AP2A2: variants seen among roughly 807,000 people sequenced by gnomAD.
The protein encoded by AP2A2 is AP-2 complex subunit alpha-2.
A neutral mutation model predicts 104.2 loss-of-function variants in AP2A2; 32 were observed. That is an observed-to-expected ratio of 0.31 (90% CI 0.23 to 0.41). The LOEUF is 0.41. AP2A2 is among the 10% of genes least tolerant of loss of function. The pLI, the probability that AP2A2 is intolerant of heterozygous loss-of-function variation, is 1.00. For synonymous variants in AP2A2, 539 were observed against 533.3 expected (o/e 1.01, Z -0.15); for missense variants, 912 against 1,261.0 (o/e 0.72, Z 4.19).
chr11:926,452 C>T (rs958485090), intron 1 of AP2A2, among the ~76,000 whole-genome samples: 1 of 151,956 alleles, frequency 6.6e-6, no homozygotes, highest in African/African-American at 2.4e-5. Context: ...TCATCCACAT[C>T]TCCACTCCCG....
intron 1 of AP2A2, among the ~76,000 whole-genome samples, chr11:950,816 G>A (rs910256933): frequency 2.6e-5 from 4 of 152,106 alleles, no homozygotes; most frequent in African/African-American, 9.7e-5. Context: ...TAGGGGCTGC[G>A]GGTGTGGTGG....
chr11:992,327 A>T lies in AP2A2; in HGVS notation c.1270-176A>T. 1.5e-6 allele frequency: 1 copy of T among 684,880 alleles called. No individual in the cohort carries two copies. Among genetic ancestry groups the T allele is most frequent in the Non-Finnish European group, 2.5e-6 (1 of 399,448 alleles). 42.4% of individuals were successfully genotyped at this position (684,880 alleles called of 1,614,324 possible). A position where few individuals can be genotyped will look rare whatever the true frequency, so the allele number is the denominator to read the frequency against. ...TCTTTGCTTAAGTCAGGGCATCTTAAACTTTCTGGGCTCGTGGGCTTTTTT... is the reference window on the plus strand; with the variant it reads ...TCTTTGCTTAAGTCAGGGCATCTTATACTTTCTGGGCTCGTGGGCTTTTTT... On this transcript the variant is annotated intron_variant, in intron 10 of 21. Transcript: ENST00000448903. The surrounding 1 kb of genome is among the most constrained non-coding windows in gnomAD (Gnocchi z 6.4).
intron 16 of AP2A2, 54 bp downstream of exon 16, chr11:1,003,858 G>T: frequency 3.2e-6 from 4 of 1,257,186 alleles, no homozygotes; most frequent in Non-Finnish European, 3.4e-6. Flanking sequence ...GGGAAATTAA[G>T]AGAAAATATT....
chr11:959,128 G>A (rs1319680524), intron 1 of AP2A2, among the ~76,000 whole-genome samples: 1 of 152,224 alleles, frequency 6.6e-6, no homozygotes, highest in Non-Finnish European at 1.5e-5. Flanking sequence ...TGGTAAAGAG[G>A]TAGAGTTAGA....
At chr11:1,002,566 C>T (rs939098241) in intron 15 of AP2A2, among the ~76,000 whole-genome samples, 6 of 152,252 alleles carry the variant, frequency 3.9e-5, no homozygotes, top group Non-Finnish European at 5.9e-5. Context: ...CTCTCGTGGC[C>T]GTGGCAGGCT....
At chr11:985,237 C>T in intron 7 of AP2A2, 198 bp from the exon 8 acceptor site, 1 of 669,120 alleles carries the variant, frequency 1.5e-6, no homozygotes, top group Non-Finnish European at 2.4e-6. Context: ...CCTGCCTCGG[C>T]CTCCCAAAGT....
intron 2 of AP2A2, among the ~76,000 whole-genome samples, chr11:962,471 C>T (rs930099785): frequency 3.9e-5 from 6 of 152,310 alleles, no homozygotes; most frequent in South Asian, 2.1e-4. Flanking sequence ...TGGTGGCTCA[C>T]GCCTGTAACC....
chr11:1,003,288 C>T (rs2097485648), intron 15 of AP2A2, among the ~76,000 whole-genome samples: 2 of 152,192 alleles, frequency 1.3e-5, no homozygotes, highest in African/African-American at 4.8e-5. Context: ...TGGCTGGGTG[C>T]CCGTGCATGC....
intron 1 of AP2A2, among the ~76,000 whole-genome samples, chr11:929,111 C>G (rs7479473): frequency 1.3e-5 from 2 of 151,984 alleles, no homozygotes; most frequent in African/African-American, 2.4e-5. Context: ...AATGTATATA[C>G]GTATTGAGTT....
At chr11:939,657 C>T (rs1048878515) in intron 1 of AP2A2, among the ~76,000 whole-genome samples, 20 of 152,182 alleles carry the variant, frequency 1.3e-4, no homozygotes, top group Admixed American at 3.3e-4. Flanking sequence ...GTTGACCAGG[C>T]TGGTTTTGAA....
chr11:1,006,922 C>T (rs1048364855), intron 17 of AP2A2: 11 of 325,676 alleles, frequency 3.4e-5, no homozygotes, highest in South Asian at 2.5e-4. Flanking sequence ...TCTCCTGTGA[C>T]GTGATCTTTA....
In AP2A2 at chr11:933,588, G is replaced by T. The variant is rs1004743157; in HGVS notation, c.67+7500G>T. The T allele has an allele frequency of 2.2e-5, 10 of 456,276 alleles. No homozygotes were observed. The East Asian group carries it at 4.9e-4, about 22-fold the overall frequency. The allele number at this position is 456,276 out of a possible 1,614,324, so 28.3% of individuals were successfully genotyped here. On this transcript the variant is annotated intron_variant, in intron 1 of 21. Transcript: ENST00000448903. ...AAGGGTCTGGCCAAGACGCATAGAA[G>T]AAATAGCATGTGAGTAGGAAGCAGC...
intron 15 of AP2A2, chr11:1,001,332 T>G (rs1856024912): frequency 6.6e-6 from 1 of 152,352 alleles, no homozygotes; most frequent in Non-Finnish European, 1.5e-5. Context: ...AGCCATCTGC[T>G]TGTTTTCATG....
intron 1 of AP2A2, among the ~76,000 whole-genome samples, chr11:953,064 C>T (rs1283694041): frequency 1.3e-5 from 2 of 152,278 alleles, no homozygotes; most frequent in East Asian, 1.9e-4. Flanking sequence ...TCTACTAGAG[C>T]GTTTTTGGTA....
intron 10 of AP2A2, among the ~76,000 whole-genome samples, chr11:991,868 G>A (rs890644561): frequency 7.2e-5 from 11 of 152,160 alleles, no homozygotes; most frequent in Admixed American, 6.5e-4. Flanking sequence ...CTGTTCGAAG[G>A]GGGCTTGGTT....
At position 948,347 on chromosome 11, in the gene AP2A2, C is replaced by T. The variant is rs575522126; in HGVS notation, c.68-11090C>T. On this transcript the variant is annotated intron_variant, in intron 1 of 21. Coordinates refer to ENST00000448903, the MANE Select transcript of AP2A2 (RefSeq NM_012305.4). ...AATTGTGTAACAAAATATTAGATAA[C>T]TTAGTTGAAATGGACAAATTCCTAG... 3 of 152,250 alleles carry T rather than the reference C, an allele frequency of 2.0e-5. No individual in the cohort carries two copies. The East Asian group carries it at 5.8e-4, about 29-fold the overall frequency. 9.4% of individuals were successfully genotyped at this position (152,250 alleles called of 1,614,324 possible).
At chr11:934,472 T>A (rs1853389832) in intron 1 of AP2A2, among the ~76,000 whole-genome samples, 1 of 152,050 alleles carries the variant, frequency 6.6e-6, no homozygotes. Flanking sequence ...CCTGGAGTCT[T>A]CATCTTTGCC....
At position 949,707 on chromosome 11, in the gene AP2A2, G is replaced by A. The variant is rs1010084544; in HGVS notation, c.68-9730G>A. On this transcript the variant is annotated intron_variant, in intron 1 of 21. Transcript: ENST00000448903. ...GGAGAAGTGCTAGAACCCGGGAGGC[G>A]GTGTTGGCAGTGAGCCGAGATCACG... Among the ~76,000 whole-genome samples the A allele has an allele frequency of 5.3e-5, 8 of 151,924 alleles. No homozygotes were observed. The East Asian group carries it at 9.7e-4, about 18-fold the overall frequency.
At chr11:1,007,824 G>C (rs899109664) in intron 17 of AP2A2, 188 bp from the exon 18 acceptor site, 1 of 722,138 alleles carries the variant, frequency 1.4e-6, no homozygotes, top group African/African-American at 1.8e-5. Context: ...GTGAGAAGCA[G>C]ACAGTGTTTT....
Sources: gnomAD v4.1 joint callset for allele counts (sites outside exome capture counted in the v4.1 genomes callset) on GRCh38, gnomAD v4.1.1 for gene constraint, Gnocchi (gnomAD v3.1) non-coding constraint, MANE v1.5 for transcripts, NCBI Gene and HGNC (gene_info 2026-07-23, HGNC 2026-07-21) for gene names.